The following PTPRD variants were observed in gnomAD, a reference collection of about 807,000 sequenced individuals.
PTPRD encodes the protein receptor-type tyrosine-protein phosphatase delta.
Under a neutral mutation model 214.5 loss-of-function variants are expected in PTPRD, and 34 were observed. That is an observed-to-expected ratio of 0.16 (90% CI 0.12 to 0.21). PTPRD has a LOEUF of 0.21. PTPRD is among the 10% of genes least tolerant of loss of function. PTPRD has a pLI of 1.00. For missense variants in PTPRD, 2,545 were observed against 2,398.7 expected, an observed-to-expected ratio of 1.06 and a Z score of -1.27; for synonymous variants, 1,128 against 845.7, an observed-to-expected ratio of 1.33 and a Z score of -5.79.
chr9:9,474,241 C>T (rs1324584664), intron 8 of PTPRD, among the ~76,000 whole-genome samples: 1 of 151,964 alleles, frequency 6.6e-6, no homozygotes. Context: ...TTCTTGGTAC[C>T]TCTATAGAAA....
intron 8 of PTPRD, among the ~76,000 whole-genome samples, chr9:9,399,877 C>A (rs1045922578): frequency 6.6e-6 from 1 of 151,992 alleles, no homozygotes; most frequent in Non-Finnish European, 1.5e-5. Flanking sequence ...AAACAGCTTT[C>A]CTCTACTAAA....
intron 8 of PTPRD, among the ~76,000 whole-genome samples, chr9:9,563,284 G>C (rs1210663021): frequency 6.6e-6 from 1 of 152,064 alleles, no homozygotes. Context: ...AAATTTGCTG[G>C]GTTACTTCAT....
At position 8,334,114 on chromosome 9, in the gene PTPRD, A is replaced by G. The variant is rs139470360; in HGVS notation, c.5380-2378T>C. 2.6e-3 allele frequency among the ~76,000 whole-genome samples: 399 copies of G among 152,206 alleles called. 3 individuals carry two copies. The highest frequency in any genetic ancestry group is 9.2e-3 in the African/African-American group (381 of 41,554). On this transcript the variant is annotated intron_variant, in intron 43 of 45. Transcript: ENST00000381196. ...AGGAGACTTTAACACCCCACTGTCA[A>G]TATTAGATCAATGACACAGAATATT...
chr9:10,427,633 C>G (rs1179950692), intron 2 of PTPRD, among the ~76,000 whole-genome samples: 1 of 152,018 alleles, frequency 6.6e-6, no homozygotes, highest in Non-Finnish European at 1.5e-5. Context: ...AAAAGGGGAT[C>G]AAAGCCTGAG....
intron 5 of PTPRD, among the ~76,000 whole-genome samples, chr9:9,820,144 C>G (rs2050204664): frequency 6.6e-6 from 1 of 152,070 alleles, no homozygotes; most frequent in Non-Finnish European, 1.5e-5. Flanking sequence ...ACCTTGCTAC[C>G]ATTTGTTGTT....
At chr9:10,296,347 C>T (rs1408245485) in intron 3 of PTPRD, among the ~76,000 whole-genome samples, 1 of 152,006 alleles carries the variant, frequency 6.6e-6, no homozygotes, top group Non-Finnish European at 1.5e-5. Context: ...TGAGTTCCTT[C>T]TTCAGGAAAG....
At chr9:9,117,550 C>A (rs940336806) in intron 10 of PTPRD, among the ~76,000 whole-genome samples, 59 of 152,140 alleles carry the variant, frequency 3.9e-4, no homozygotes, top group African/African-American at 1.3e-3. Flanking sequence ...GGTAGGCCAA[C>A]TGAGGAACAA....
intron 12 of PTPRD, among the ~76,000 whole-genome samples, chr9:8,725,444 G>A (rs1220807436): frequency 1.3e-5 from 2 of 152,094 alleles, no homozygotes; most frequent in Non-Finnish European, 2.9e-5. Context: ...TGAAAGACAT[G>A]AATGAGCCAA....
intron 3 of PTPRD, among the ~76,000 whole-genome samples, chr9:10,237,570 A>G (rs971767276): frequency 6.6e-6 from 1 of 151,960 alleles, no homozygotes; most frequent in Admixed American, 6.6e-5. Flanking sequence ...TACTCAAAAG[A>G]CACATGACAT....
intron 3 of PTPRD, among the ~76,000 whole-genome samples, chr9:10,169,287 A>C (rs2154295917): frequency 6.6e-6 from 1 of 151,848 alleles, no homozygotes; most frequent in South Asian, 2.1e-4. Flanking sequence ...ATCCTGGCTA[A>C]CACAGTGAAA....
intron 7 of PTPRD, among the ~76,000 whole-genome samples, chr9:9,657,992 T>C (rs1333145567): frequency 1.3e-5 from 2 of 152,248 alleles, no homozygotes; most frequent in African/African-American, 4.8e-5. Context: ...TTTTGAGTTT[T>C]ATGTTTAGTT....
chr9:9,679,662 G>T (rs1027096838), intron 7 of PTPRD, among the ~76,000 whole-genome samples: 1 of 151,790 alleles, frequency 6.6e-6, no homozygotes, highest in African/African-American at 2.4e-5. Flanking sequence ...AAAGTAGCTG[G>T]GTGCCCTAGA....
intron 2 of PTPRD, among the ~76,000 whole-genome samples, chr9:10,513,931 C>T (rs138485119): frequency 3.0e-4 from 46 of 152,156 alleles, no homozygotes; most frequent in African/African-American, 1.1e-3. Flanking sequence ...AATGCAAAAC[C>T]GTGGAAATAA....
chr9:9,990,210 G>A (rs1449925571), intron 4 of PTPRD, among the ~76,000 whole-genome samples: 1 of 152,174 alleles, frequency 6.6e-6, no homozygotes, highest in Non-Finnish European at 1.5e-5. Flanking sequence ...AACTGAAGGT[G>A]TTGGCCAAGG....
At chr9:8,483,956 A>G (rs896698986) in intron 30 of PTPRD, among the ~76,000 whole-genome samples, 163 bp downstream of exon 30, 1 of 152,236 alleles carries the variant, frequency 6.6e-6, no homozygotes, top group Admixed American at 6.5e-5. Flanking sequence ...GAATACTAGG[A>G]CACGTTGTAA....
intron 7 of PTPRD, among the ~76,000 whole-genome samples, chr9:9,621,566 T>C (rs1405274007): frequency 6.6e-6 from 1 of 152,204 alleles, no homozygotes; most frequent in Non-Finnish European, 1.5e-5. Flanking sequence ...GGATGCTCAG[T>C]GTGAAAGCAG....
At chr9:8,635,098 T>C (rs1340096021) in intron 13 of PTPRD, among the ~76,000 whole-genome samples, 1 of 148,090 alleles carries the variant, frequency 6.8e-6, no homozygotes, top group Non-Finnish European at 1.5e-5. Flanking sequence ...TATATTAGTG[T>C]TAAATATAGT....
chr9:8,705,422 T>C (rs904660680), intron 12 of PTPRD, among the ~76,000 whole-genome samples: 1 of 152,218 alleles, frequency 6.6e-6, no homozygotes, highest in Non-Finnish European at 1.5e-5. Context: ...ACAAAAGTAT[T>C]CTATAATTTT....
intron 9 of PTPRD, among the ~76,000 whole-genome samples, chr9:9,382,511 G>A (rs2062638373): frequency 6.6e-6 from 1 of 151,998 alleles, no homozygotes; most frequent in South Asian, 2.1e-4. Context: ...TAGAAACTGG[G>A]CAAAGGGCTT....
Sources: allele counts gnomAD v4.1 joint callset (sites outside exome capture counted in the v4.1 genomes callset), GRCh38; gene constraint gnomAD v4.1.1; transcripts MANE v1.5; gene names NCBI Gene and HGNC (gene_info 2026-07-23, HGNC 2026-07-21).